CDYL: variants seen among roughly 807,000 people sequenced by gnomAD.
CDYL encodes chromodomain Y like, also known as chromodomain Y-like protein.
CDYL carries 8 observed loss-of-function variants against 47.3 expected under a neutral mutation model. That is an observed-to-expected ratio of 0.17 (90% CI 0.10 to 0.31). CDYL has a LOEUF of 0.31. Ranked by LOEUF, CDYL falls within the 10% of genes least tolerant of loss-of-function variation. The pLI is 1.00. For missense variants in CDYL, 471 were observed against 701.4 expected, an observed-to-expected ratio of 0.67 and a Z score of 3.71; for synonymous variants, 266 against 265.0, an observed-to-expected ratio of 1.00 and a Z score of -0.04.
At chr6:4,747,536 G>C (rs940106141) in intron 3 of CDYL, among the ~76,000 whole-genome samples, 1 of 152,170 alleles carries the variant, frequency 6.6e-6, no homozygotes, top group Non-Finnish European at 1.5e-5. Context: ...TTTTCCAAAA[G>C]TTGAATATTT....
intron 2 of CDYL, among the ~76,000 whole-genome samples, chr6:4,894,367 G>T (rs1221297971): frequency 1.3e-5 from 2 of 152,158 alleles, no homozygotes; most frequent in Non-Finnish European, 2.9e-5. Flanking sequence ...AAGGACTGAT[G>T]AGCTATAGTC....
chr6:4,723,107 T>C (rs897826681), intron 2 of CDYL, among the ~76,000 whole-genome samples: 2 of 151,982 alleles, frequency 1.3e-5, no homozygotes, highest in Non-Finnish European at 2.9e-5. Context: ...GGATCTAAAA[T>C]ATTTGGGGGT....
intron 1 of CDYL, among the ~76,000 whole-genome samples, chr6:4,845,582 C>T (rs1760631961): frequency 6.6e-6 from 1 of 152,172 alleles, no homozygotes; most frequent in African/African-American, 2.4e-5. Flanking sequence ...TGTAAGGGGT[C>T]AGACAATAAA....
At chr6:4,900,779 G>GTGTGTATA in intron 2 of CDYL, among the ~76,000 whole-genome samples, 1 of 51,696 alleles carries the variant, frequency 1.9e-5, no homozygotes, top group Non-Finnish European at 4.1e-5. Context: ...GTATACGTGT[G>GTGTGTATA]TATATATATA....
intron 2 of CDYL, among the ~76,000 whole-genome samples, chr6:4,911,158 G>A (rs1195432786): frequency 6.6e-6 from 1 of 152,228 alleles, no homozygotes; most frequent in Non-Finnish European, 1.5e-5. Flanking sequence ...TGACAGTTTG[G>A]AAATACAGGG....
chr6:4,779,763 G>A (rs974452710), intron 1 of CDYL, among the ~76,000 whole-genome samples: 3 of 152,152 alleles, frequency 2.0e-5, no homozygotes, highest in Non-Finnish European at 4.4e-5. Context: ...AATGTAAAGG[G>A]CCAGATAATA....
chr6:4,890,778 C>T (rs1274401230), intron 1 of CDYL, among the ~76,000 whole-genome samples: 1 of 152,212 alleles, frequency 6.6e-6, no homozygotes, highest in Non-Finnish European at 1.5e-5. Flanking sequence ...AATTAAAGAG[C>T]CACTCCGTGG....
intron 2 of CDYL, among the ~76,000 whole-genome samples, chr6:4,902,005 A>G (rs1012686208): frequency 2.6e-5 from 4 of 152,042 alleles, no homozygotes; most frequent in Admixed American, 2.6e-4. Context: ...TCTTCCTCCT[A>G]CGTTTCAAGG....
chr6:4,941,253 C>T (rs1457654164), intron 4 of CDYL, among the ~76,000 whole-genome samples: 1 of 152,232 alleles, frequency 6.6e-6, no homozygotes, highest in East Asian at 1.9e-4. Context: ...GAAGCAGGGG[C>T]TACTTGGGAG....
intron 2 of CDYL, among the ~76,000 whole-genome samples, chr6:4,731,169 C>T (rs1249143044): frequency 6.6e-6 from 1 of 152,010 alleles, no homozygotes; most frequent in Non-Finnish European, 1.5e-5. Flanking sequence ...ATACATTGTA[C>T]GATTGTATTT....
chr6:4,828,381 C>G (rs1436225242), intron 1 of CDYL, among the ~76,000 whole-genome samples: 1 of 151,720 alleles, frequency 6.6e-6, no homozygotes, highest in African/African-American at 2.4e-5. Context: ...CCTCAGCCTC[C>G]CAAGTAGCTG....
intron 1 of CDYL, among the ~76,000 whole-genome samples, chr6:4,849,954 G>A (rs1760776181): frequency 7.1e-6 from 1 of 140,920 alleles, no homozygotes; most frequent in Non-Finnish European, 1.5e-5. Flanking sequence ...AGGGAGGGGG[G>A]CAGTTCCAGC....
intron 4 of CDYL, among the ~76,000 whole-genome samples, chr6:4,942,179 C>A (rs1229084274): frequency 6.6e-6 from 1 of 152,214 alleles, no homozygotes; most frequent in South Asian, 2.1e-4. Context: ...GCAACTCATT[C>A]ATTTGAATGA....
intron 2 of CDYL, among the ~76,000 whole-genome samples, chr6:4,925,484 T>C (rs570981991): frequency 1.4e-5 from 2 of 140,732 alleles, no homozygotes; most frequent in East Asian, 4.6e-4. Flanking sequence ...CGATCTCGGC[T>C]CACTGCAAGC....
chr6:4,780,512 G>A (rs1442646973), intron 1 of CDYL, among the ~76,000 whole-genome samples: 19 of 150,064 alleles, frequency 1.3e-4, no homozygotes, highest in African/African-American at 2.9e-4. Flanking sequence ...CAAGTGATCC[G>A]CCCACCTTGG....
Position 4,748,494 on chromosome 6 carries a change from T to C in CDYL, c.186+13650T>C, listed in dbSNP as rs565565174. ...GAAAAACAGAAACTGATAGCAAGAC[T>C]TGGAATAGGAGCAAAACAGGAGTAT... On this transcript the variant is annotated intron_variant, in intron 3 of 8. Transcript: ENST00000328908. Among the ~76,000 whole-genome samples the C allele has an allele frequency of 2.6e-5, 4 of 152,050 alleles. No individual in the cohort carries two copies. In the South Asian group the frequency reaches 8.3e-4, roughly 32 times the overall value.
chr6:4,922,944 C>T (rs1027998796), intron 2 of CDYL, among the ~76,000 whole-genome samples: 3 of 152,086 alleles, frequency 2.0e-5, no homozygotes, highest in Non-Finnish European at 4.4e-5. Context: ...TTTTTTCCCC[C>T]CTTTTATTTT....
At chr6:4,909,569 CT>C (rs1554107000) in intron 2 of CDYL, among the ~76,000 whole-genome samples, 2 of 151,802 alleles carry the variant, frequency 1.3e-5, no homozygotes, top group Non-Finnish European at 2.9e-5. Flanking sequence ...AAAATTCATA[CT>C]TTTTTTTGTT....
Position 4,937,682 on chromosome 6 carries a change from C to T in CDYL, c.1066C>T (p.Arg356Ter), listed in dbSNP as rs1758239579. ...TGGACTTGACTTTATTTATTTTATA[C>T]GACGTCTGACAGATGACAGGAAAAG... is the stretch of plus-strand genomic sequence containing the variant. ...CCGLDFIYFIRRLTDDRKRES... is the reference protein window; with the variant it reads ...CCGLDFIYFI The change falls in exon 4 of 7, where the codon CGA becomes TGA. Residue 356 changes from arginine (R) to a stop codon, truncating the protein, a stop_gained. Transcript: ENST00000397588. LOFTEE classifies it high-confidence loss of function. 3 of 1,613,368 alleles carry T rather than the reference C, an allele frequency of 1.9e-6. No homozygotes were observed. The highest frequency in any genetic ancestry group is 1.3e-5 in the African/African-American group (1 of 74,854).
Sources: gnomAD v4.1 joint callset for allele counts (sites outside exome capture counted in the v4.1 genomes callset) on GRCh38, gnomAD v4.1.1 for gene constraint, MANE v1.5 for transcripts, NCBI Gene and HGNC (gene_info 2026-07-23, HGNC 2026-07-21) for gene names.